The following CILK1 variants were observed in gnomAD, a reference collection of about 807,000 sequenced individuals.
CILK1 encodes the protein ciliogenesis associated kinase 1.
Under a neutral mutation model 79.2 loss-of-function variants are expected in CILK1, and 47 were observed. That is an observed-to-expected ratio of 0.59 (90% CI 0.47 to 0.76). The LOEUF is 0.76. Among genes scored for constraint, CILK1 ranks in the 30% least tolerant of loss-of-function variants. The probability of loss-of-function intolerance (pLI) is 0.00; values close to 1 mark genes in which losing one functional copy is unlikely to be tolerated. For missense variants in CILK1, 660 were observed against 769.5 expected, an observed-to-expected ratio of 0.86 and a Z score of 1.68; for synonymous variants, 266 against 275.9, an observed-to-expected ratio of 0.96 and a Z score of 0.36.
intron 1 of CILK1, among the ~76,000 whole-genome samples, chr6:53,047,119 G>C (rs928389609): frequency 6.6e-6 from 1 of 152,150 alleles, no homozygotes; most frequent in South Asian, 2.1e-4. Context: ...AGGTCAGGAT[G>C]GGGGCTGAGC....
chr6:53,055,504 C>G (rs1767793930), intron 1 of CILK1, among the ~76,000 whole-genome samples: 1 of 152,154 alleles, frequency 6.6e-6, no homozygotes, highest in Non-Finnish European at 1.5e-5. Context: ...CTTGCTTTGT[C>G]TTTACCTTGA....
intron 1 of CILK1, chr6:53,060,920 C>A (rs1768393908): frequency 6.6e-6 from 1 of 152,160 alleles, no homozygotes; most frequent in African/African-American, 2.4e-5. Flanking sequence ...AATTCAAACC[C>A]CACAAGCGCC....
chr6:53,006,947 A>G (rs995218571), intron 12 of CILK1, among the ~76,000 whole-genome samples: 1 of 152,186 alleles, frequency 6.6e-6, no homozygotes, highest in Non-Finnish European at 1.5e-5. Flanking sequence ...AGAAAAATTA[A>G]CCATTTTTTA....
intron 4 of CILK1, among the ~76,000 whole-genome samples, chr6:53,031,870 G>T (rs1158056041): frequency 2.6e-5 from 4 of 151,988 alleles, no homozygotes. Context: ...TTTCGCCGTT[G>T]TTGACCAGGC....
At position 53,041,167 on chromosome 6, in the gene CILK1, T is replaced by C. The variant is rs141369425; in HGVS notation, c.70A>G (p.Ile24Val). ...TYGSVLLGRS[I>V]ESGELIAIKK... ...ATAGCGATCAGCTCCCCAGACTCAA[T>C]GCTTCTTCCCAGCAGGACGGAACCG... is the stretch of plus-strand genomic sequence containing the variant. Residue 24 changes from isoleucine to valine, a missense_variant, in exon 2 of 14, where the codon ATT (isoleucine) becomes GTT (valine). Ile to Val is a conservative substitution (Grantham distance 29). Transcript: ENST00000676107. 370 of 1,613,838 alleles carry C rather than the reference T, an allele frequency of 2.3e-4. 1 individual carries two copies. In the African/African-American group the frequency reaches 4.4e-3, roughly 19 times the overall value.
chr6:53,016,388 T>C, intron 7 of CILK1, 138 bp from the exon 8 acceptor site: 1 of 761,734 alleles, frequency 1.3e-6, no homozygotes, highest in Non-Finnish European at 2.3e-6. Flanking sequence ...CATTCACTAC[T>C]GTGGCACTGT....
At chr6:53,046,287 TC>T (rs1232140670) in intron 1 of CILK1, among the ~76,000 whole-genome samples, 2 of 152,196 alleles carry the variant, frequency 1.3e-5, no homozygotes, top group Admixed American at 6.5e-5. Flanking sequence ...CATGTGGGCT[TC>T]CCTCATGCTT....
At chr6:53,034,058 T>G (rs894544405) in intron 3 of CILK1, among the ~76,000 whole-genome samples, 4 of 152,248 alleles carry the variant, frequency 2.6e-5, no homozygotes, top group Admixed American at 6.5e-5. Flanking sequence ...ATTGCTTAAC[T>G]TGTAAGTATT....
chr6:53,037,699 T>C (rs567274065), intron 3 of CILK1, among the ~76,000 whole-genome samples: 2 of 152,314 alleles, frequency 1.3e-5, no homozygotes, highest in South Asian at 4.2e-4. Context: ...AATCAACACA[T>C]TCAACTTCTT....
chr6:53,005,163 C>A lies in CILK1; in HGVS notation c.1885G>T (p.Ala629Ser). The change falls in exon 14 of 14, where the codon GCA (alanine) becomes TCA (serine). Residue 629 changes from alanine (A) to serine (S), a missense_variant. Coordinates refer to ENST00000676107, the MANE Select transcript of CILK1 (RefSeq NM_014920.5). ...HGRTDWASKY[A>S]SRR ...AAGGCAGACAGTCATCGCCGAGATG[C>A]GTACTTGGAAGCCCAGTCTGTCCGG... 2 of 1,614,160 alleles carry A rather than the reference C, an allele frequency of 1.2e-6. No individual in the cohort carries two copies. Among genetic ancestry groups the A allele is most frequent in the Non-Finnish European group, 1.7e-6 (2 of 1,180,036 alleles).
intron 2 of CILK1, among the ~76,000 whole-genome samples, chr6:53,038,419 A>G (rs1239760662): frequency 6.6e-6 from 1 of 152,194 alleles, no homozygotes; most frequent in Non-Finnish European, 1.5e-5. Flanking sequence ...CAATGTGGGA[A>G]CTGAATTTTA....
At position 53,005,009 on chromosome 6, in the gene CILK1, C is replaced by T. The variant is rs1036311099; in HGVS notation, c.*140G>A. ...AAAAAACTTTAAAAAAGAATATTGA[C>T]ATGTCTTAGTTCAGAAGAATAACTA... is the stretch of plus-strand genomic sequence containing the variant. On this transcript the variant is annotated 3_prime_UTR_variant, in exon 14 of 14. Transcript: ENST00000676107. The T allele has an allele frequency of 2.2e-6, 2 of 911,050 alleles. No individual in the cohort carries two copies. Among genetic ancestry groups the T allele is most frequent in the Non-Finnish European group, 3.4e-6 (2 of 586,668 alleles). The allele number at this position is 911,050 out of a possible 1,614,324, so 56.4% of individuals were successfully genotyped here. A position where few individuals can be genotyped will look rare whatever the true frequency, so the allele number is the denominator to read the frequency against.
Position 53,005,269 on chromosome 6 carries a change from A to G in CILK1, c.1779T>C (p.Pro593=), listed in dbSNP as rs1168236827. 6.2e-7 allele frequency: 1 copy of G among 1,614,238 alleles called. No individual in the cohort carries two copies. Among genetic ancestry groups the G allele is most frequent in the Non-Finnish European group, 8.5e-7 (1 of 1,180,026 alleles). ...YSSLKAMRPH[P]GRPFFHTQPR... The stretch of plus-strand genomic sequence containing the variant: ...GCTGGGTGTGGAAGAATGGTCGCCC[A>G]GGATGAGGTCTCATGGCCTTCAGGG... The change falls in exon 14 of 14, where the codon CCT becomes CCC. Residue 593 remains proline, a synonymous_variant. Coordinates refer to ENST00000676107, the MANE Select transcript of CILK1 (RefSeq NM_014920.5).
At chr6:53,061,071 T>C (rs1050918096) in intron 1 of CILK1, 4 of 152,240 alleles carry the variant, frequency 2.6e-5, no homozygotes, top group African/African-American at 9.6e-5. Flanking sequence ...ATTAGCTATA[T>C]TACATATAAG....
At chr6:53,024,536 C>T (rs1240924269) in intron 5 of CILK1, among the ~76,000 whole-genome samples, 1 of 152,134 alleles carries the variant, frequency 6.6e-6, no homozygotes, top group Non-Finnish European at 1.5e-5. Flanking sequence ...TTGGAACTGG[C>T]TTAAGAATGT....
chr6:53,008,859 G>A (rs527636259), intron 12 of CILK1, among the ~76,000 whole-genome samples: 10 of 152,312 alleles, frequency 6.6e-5, no homozygotes, highest in African/African-American at 2.4e-4. Context: ...GTGCAGAGGG[G>A]AAAGCAGCAC....
chr6:53,055,036 T>A (rs141148152), intron 1 of CILK1, among the ~76,000 whole-genome samples: 7 of 152,344 alleles, frequency 4.6e-5, no homozygotes, highest in African/African-American at 1.7e-4. Context: ...TACAGCAAAC[T>A]TGGGGTTCTC....
intron 1 of CILK1, among the ~76,000 whole-genome samples, chr6:53,056,764 A>G (rs1767907863): frequency 6.6e-6 from 1 of 152,222 alleles, no homozygotes; most frequent in Non-Finnish European, 1.5e-5. Flanking sequence ...TCAATGAATT[A>G]ACTAATGAAT....
chr6:53,013,389 T>C (rs1459209794), intron 9 of CILK1, among the ~76,000 whole-genome samples: 1 of 152,210 alleles, frequency 6.6e-6, no homozygotes, highest in Non-Finnish European at 1.5e-5. Context: ...GAGCTGAGAT[T>C]TGAGCCCCTG....
Sources: gnomAD v4.1 joint callset for allele counts (sites outside exome capture counted in the v4.1 genomes callset) on GRCh38, gnomAD v4.1.1 for gene constraint, MANE v1.5 for transcripts, NCBI Gene and HGNC (gene_info 2026-07-23, HGNC 2026-07-21) for gene names.